Variants in APBB1IP observed in about 807,000 individuals in gnomAD.
APBB1IP encodes amyloid beta A4 precursor protein-binding family B member 1-interacting protein.
A neutral mutation model predicts 64.9 loss-of-function variants in APBB1IP; 27 were observed. The ratio of observed to expected loss-of-function variants is 0.42; its 90% CI spans 0.31 to 0.57. The LOEUF is 0.57. Among genes scored for constraint, APBB1IP ranks in the 20% least tolerant of loss-of-function variants. The probability of loss-of-function intolerance (pLI) is 0.20; values close to 1 mark genes in which losing one functional copy is unlikely to be tolerated. For synonymous variants in APBB1IP, 392 were observed against 331.0 expected (o/e 1.18, Z -2.00); for missense variants, 812 against 845.5 (o/e 0.96, Z 0.49).
intron 2 of APBB1IP, among the ~76,000 whole-genome samples, chr10:26,457,432 G>A (rs1239565968): frequency 6.6e-6 from 1 of 152,186 alleles, no homozygotes; most frequent in African/African-American, 2.4e-5. Flanking sequence ...CAGCCACTGT[G>A]CCTGGCCTCA....
At chr10:26,523,808 A>G (rs923278250) in intron 8 of APBB1IP, among the ~76,000 whole-genome samples, 1 of 152,084 alleles carries the variant, frequency 6.6e-6, no homozygotes, top group Non-Finnish European at 1.5e-5. Flanking sequence ...TTCTTTAAAA[A>G]AAAATAAAAT....
chr10:26,458,224 T>C (rs908977138), intron 2 of APBB1IP, among the ~76,000 whole-genome samples: 17 of 152,196 alleles, frequency 1.1e-4, no homozygotes, highest in African/African-American at 3.6e-4. Context: ...CGCGTCTCTA[T>C]TGAAAATATA....
At chr10:26,530,837 A>G (rs1178790665) in intron 8 of APBB1IP, among the ~76,000 whole-genome samples, 1 of 152,190 alleles carries the variant, frequency 6.6e-6, no homozygotes, top group Non-Finnish European at 1.5e-5. Flanking sequence ...ATAAAATCGT[A>G]TCTGTAAAGC....
At chr10:26,494,474 T>G (rs1835995328) in intron 3 of APBB1IP, among the ~76,000 whole-genome samples, 1 of 152,150 alleles carries the variant, frequency 6.6e-6, no homozygotes, top group Admixed American at 6.5e-5. Flanking sequence ...TCAAAAGCTT[T>G]CTAAAAAAAA....
chr10:26,556,249 G>A lies in APBB1IP; in HGVS notation c.1156-3856G>A, dbSNP rs77136957. Among the ~76,000 whole-genome samples, 136 of 152,306 alleles carry A rather than the reference G, an allele frequency of 8.9e-4. No individual in the cohort carries two copies. In the East Asian group the frequency reaches 0.021, roughly 24 times the overall value. ...CAAATGATTATTCAGCAAAAGGCTC[G>A]GTTAGGCAATAAGCTCCTTGGCAAA... is the stretch of plus-strand genomic sequence containing the variant. On this transcript the variant is annotated intron_variant, in intron 11 of 14. Coordinates refer to ENST00000376236, the MANE Select transcript of APBB1IP (RefSeq NM_019043.4).
At chr10:26,535,814 T>G (rs1474540920) in intron 9 of APBB1IP, among the ~76,000 whole-genome samples, 1 of 152,186 alleles carries the variant, frequency 6.6e-6, no homozygotes, top group Non-Finnish European at 1.5e-5. Context: ...GTAAGTGGAC[T>G]GAGGTTTAAT....
At chr10:26,454,440 C>G (rs1011299063) in intron 2 of APBB1IP, among the ~76,000 whole-genome samples, 1 of 151,854 alleles carries the variant, frequency 6.6e-6, no homozygotes, top group African/African-American at 2.4e-5. Flanking sequence ...GAGCTGAGAT[C>G]GTGCCACTGC....
At position 26,541,788 on chromosome 10, in the gene APBB1IP, T is replaced by G. The variant is rs888778475; in HGVS notation, c.1155+96T>G. ...GTTAAATTATAGTTAGCCATATGTG[T>G]AACAATAAGAAATTGTTTAACCAAA... On this transcript the variant is annotated intron_variant, in intron 11 of 14. Transcript: ENST00000376236. The G allele has an allele frequency of 5.8e-6, 5 of 865,356 alleles. No homozygotes were observed. In the African/African-American group the frequency reaches 8.9e-5, roughly 15 times the overall value. 53.6% of individuals were successfully genotyped at this position (865,356 alleles called of 1,614,324 possible).
chr10:26,464,838 C>A (rs982984688), intron 2 of APBB1IP, among the ~76,000 whole-genome samples: 1 of 152,214 alleles, frequency 6.6e-6, no homozygotes, highest in African/African-American at 2.4e-5. Flanking sequence ...ATTCAGTTAC[C>A]ACATTCACAC....
intron 2 of APBB1IP, among the ~76,000 whole-genome samples, chr10:26,468,190 C>T (rs1200034669): frequency 6.6e-6 from 1 of 152,196 alleles, no homozygotes; most frequent in Non-Finnish European, 1.5e-5. Flanking sequence ...TCCCCATCCT[C>T]TCAGGTGGCC....
intron 2 of APBB1IP, among the ~76,000 whole-genome samples, chr10:26,484,992 T>C (rs1467555367): frequency 6.6e-6 from 1 of 152,220 alleles, no homozygotes; most frequent in East Asian, 1.9e-4. Context: ...TCATTGATAC[T>C]GTCACTCAAG....
At chr10:26,530,291 G>A (rs1417840408) in intron 8 of APBB1IP, among the ~76,000 whole-genome samples, 1 of 145,122 alleles carries the variant, frequency 6.9e-6, no homozygotes, top group East Asian at 2.0e-4. Context: ...TCAAACACCT[G>A]GGCTCAAGTG....
intron 2 of APBB1IP, among the ~76,000 whole-genome samples, chr10:26,477,146 T>C (rs1204964104): frequency 6.6e-6 from 1 of 152,208 alleles, no homozygotes; most frequent in Non-Finnish European, 1.5e-5. Context: ...TTGCAGAATA[T>C]TCCTCAGTTT....
At chr10:26,485,907 G>A (rs1835885050) in intron 2 of APBB1IP, among the ~76,000 whole-genome samples, 1 of 152,034 alleles carries the variant, frequency 6.6e-6, no homozygotes, top group Non-Finnish European at 1.5e-5. Context: ...AAGACAAAAA[G>A]AGTTCTAAAA....
chr10:26,496,430 C>A, intron 4 of APBB1IP, 39 bp downstream of exon 4: 2 of 1,467,374 alleles, frequency 1.4e-6, no homozygotes, highest in South Asian at 1.2e-5. Flanking sequence ...AATTCAAAAT[C>A]ATAATGATGA....
At chr10:26,528,584 C>A (rs1013303019) in intron 8 of APBB1IP, among the ~76,000 whole-genome samples, 1 of 152,128 alleles carries the variant, frequency 6.6e-6, no homozygotes, top group Non-Finnish European at 1.5e-5. Flanking sequence ...AGTCATCTGT[C>A]CATCTCACTA....
chr10:26,489,979 C>T (rs1016735875), intron 2 of APBB1IP, among the ~76,000 whole-genome samples: 2 of 152,114 alleles, frequency 1.3e-5, no homozygotes, highest in Admixed American at 1.3e-4. Context: ...GAGCTGAGAT[C>T]AGGCCATTGC....
intron 6 of APBB1IP, among the ~76,000 whole-genome samples, chr10:26,507,121 T>C (rs1231162052): frequency 6.6e-6 from 1 of 151,936 alleles, no homozygotes; most frequent in Admixed American, 6.6e-5. Context: ...AGGAGAAGTT[T>C]GGGTTGTATT....
At chr10:26,510,734 T>TCTCTCA (rs375916170) in intron 6 of APBB1IP, among the ~76,000 whole-genome samples, 73 of 135,892 alleles carry the variant, frequency 5.4e-4, no homozygotes, top group Non-Finnish European at 6.9e-4. Flanking sequence ...AGACCCTGTC[T>TCTCTCA]CACACACACA....
Sources: gnomAD v4.1 joint callset for allele counts (sites outside exome capture counted in the v4.1 genomes callset) on GRCh38, gnomAD v4.1.1 for gene constraint, MANE v1.5 for transcripts, NCBI Gene and HGNC (gene_info 2026-07-23, HGNC 2026-07-21) for gene names.